ANO6: variants seen among roughly 807,000 people sequenced by gnomAD.
ANO6 encodes the protein anoctamin 6.
Under a neutral mutation model 117.5 loss-of-function variants are expected in ANO6, and 106 were observed. The observed-to-expected ratio is 0.90, with a 90% CI of 0.77 to 1.06. The LOEUF is 1.06. Among genes scored for constraint, ANO6 ranks in the 50% least tolerant of loss-of-function variants. ANO6 has a pLI of 0.00. For synonymous variants in ANO6, 367 were observed against 385.1 expected (o/e 0.95, Z 0.55); for missense variants, 955 against 1,121.1 (o/e 0.85, Z 2.12).
At chr12:45,414,823 G>A (rs989095851) in intron 16 of ANO6, among the ~76,000 whole-genome samples, 1 of 152,172 alleles carries the variant, frequency 6.6e-6, no homozygotes, top group Non-Finnish European at 1.5e-5. Context: ...GAGTGCAGTG[G>A]CACAATCCCG....
intron 3 of ANO6, among the ~76,000 whole-genome samples, chr12:45,336,662 A>T (rs182416409): frequency 6.6e-6 from 1 of 152,102 alleles, no homozygotes; most frequent in East Asian, 1.9e-4. Flanking sequence ...ACAATCATGT[A>T]TAGTACCGAA....
At chr12:45,232,335 C>G (rs1397735264) in intron 1 of ANO6, among the ~76,000 whole-genome samples, 1 of 152,154 alleles carries the variant, frequency 6.6e-6, no homozygotes, top group African/African-American at 2.4e-5. Flanking sequence ...GAAGTGGCCC[C>G]TGTTCTCAAA....
downstream of ANO6, among the ~76,000 whole-genome samples, chr12:45,435,896 T>C (rs891950367): frequency 1.3e-5 from 2 of 152,194 alleles, no homozygotes; most frequent in African/African-American, 4.8e-5. Context: ...AGAAACTGAA[T>C]ATACAAATGG....
intron 12 of ANO6, among the ~76,000 whole-genome samples, chr12:45,391,975 C>T (rs1942465287): frequency 6.6e-6 from 1 of 152,212 alleles, no homozygotes; most frequent in Non-Finnish European, 1.5e-5. Flanking sequence ...AACTGAGGTA[C>T]CTGGTTCATC....
intron 12 of ANO6, among the ~76,000 whole-genome samples, chr12:45,395,894 G>A (rs1942597884): frequency 6.6e-6 from 1 of 152,158 alleles, no homozygotes; most frequent in South Asian, 2.1e-4. Flanking sequence ...CATACTGAAT[G>A]CGCAAAAACT....
intron 3 of ANO6, among the ~76,000 whole-genome samples, chr12:45,335,347 G>A (rs1350023272): frequency 6.6e-6 from 1 of 151,962 alleles, no homozygotes; most frequent in African/African-American, 2.4e-5. Flanking sequence ...GTTATCCATT[G>A]TTTTGGATTA....
intron 1 of ANO6, among the ~76,000 whole-genome samples, chr12:45,261,186 G>A (rs1252969741): frequency 1.3e-5 from 2 of 152,184 alleles, no homozygotes; most frequent in African/African-American, 2.4e-5. Context: ...AGGACACAGA[G>A]AATATTTTCC....
chr12:45,419,527 T>C (rs935091761), intron 17 of ANO6, among the ~76,000 whole-genome samples: 9 of 152,192 alleles, frequency 5.9e-5, no homozygotes, highest in African/African-American at 2.2e-4. Flanking sequence ...CAAAGCTGGT[T>C]CTAGTGAGGG....
At chr12:45,318,751 C>A (rs1940142775) in intron 2 of ANO6, among the ~76,000 whole-genome samples, 1 of 152,114 alleles carries the variant, frequency 6.6e-6, no homozygotes, top group Non-Finnish European at 1.5e-5. Flanking sequence ...TCTTCCTACC[C>A]ATGAGCATGG....
At chr12:45,323,163 G>A (rs572630849) in intron 2 of ANO6, among the ~76,000 whole-genome samples, 8 of 152,164 alleles carry the variant, frequency 5.3e-5, no homozygotes, top group Middle Eastern at 6.8e-3. Flanking sequence ...CAATTTAATC[G>A]CTCTTAACAT....
chr12:45,271,171 G>C (rs532222744), intron 1 of ANO6, among the ~76,000 whole-genome samples: 6 of 152,276 alleles, frequency 3.9e-5, no homozygotes, highest in African/African-American at 1.4e-4. Flanking sequence ...ATGAAAACAA[G>C]ATTTCAGTGA....
At chr12:45,347,355 C>CTT (rs1388705341) in intron 4 of ANO6, 1 of 428,886 alleles carries the variant, frequency 2.3e-6, no homozygotes, top group Non-Finnish European at 4.1e-6. Flanking sequence ...CTTCTAAAAG[C>CTT]TTTTTTGTTA....
intron 3 of ANO6, among the ~76,000 whole-genome samples, chr12:45,345,489 A>G (rs1466648673): frequency 6.6e-6 from 1 of 152,138 alleles, no homozygotes; most frequent in Non-Finnish European, 1.5e-5. Flanking sequence ...ACCTGGACCT[A>G]GCAGTTCCTC....
intron 8 of ANO6, among the ~76,000 whole-genome samples, chr12:45,365,967 A>T (rs1316397647): frequency 6.6e-6 from 1 of 152,150 alleles, no homozygotes; most frequent in African/African-American, 2.4e-5. Flanking sequence ...ATCTTTACTC[A>T]GCTATTCTAG....
At chr12:45,321,660 G>T (rs903405922) in intron 2 of ANO6, among the ~76,000 whole-genome samples, 1 of 152,026 alleles carries the variant, frequency 6.6e-6, no homozygotes, top group Non-Finnish European at 1.5e-5. Context: ...GTTCATTTTC[G>T]AGAAAGTATC....
rs532532365 is a variant in ANO6 at position 45,255,493 on chromosome 12, CA to C, written c.70+39109del. On this transcript the variant is annotated intron_variant, in intron 1 of 19. Transcript: ENST00000320560. ...CAGCCTAGCGACAGGGACTCCATCTCAAAAAAATAAAAAACAGGAATGTTGC... is the reference window on the plus strand; with the variant it reads ...CAGCCTAGCGACAGGGACTCCATCTCAAAAAATAAAAAACAGGAATGTTGC... Among the ~76,000 whole-genome samples the C allele has an allele frequency of 8.0e-4, 121 of 151,876 alleles. 1 individual carries two copies. The highest frequency in any genetic ancestry group is 2.8e-3 in the African/African-American group (118 of 41,446).
intron 1 of ANO6, among the ~76,000 whole-genome samples, chr12:45,238,199 G>T (rs1005944452): frequency 6.9e-6 from 1 of 144,996 alleles, no homozygotes; most frequent in Non-Finnish European, 1.5e-5. Flanking sequence ...CGCCCAGGCT[G>T]GAGTGCAGTG....
chr12:45,332,731 A>C (rs1406688012), intron 3 of ANO6, among the ~76,000 whole-genome samples: 2 of 152,078 alleles, frequency 1.3e-5, no homozygotes, highest in African/African-American at 4.8e-5. Flanking sequence ...AAGAAACCCA[A>C]GCCTGACAGA....
At chr12:45,246,263 G>A (rs1415246636) in intron 1 of ANO6, among the ~76,000 whole-genome samples, 1 of 152,116 alleles carries the variant, frequency 6.6e-6, no homozygotes, top group African/African-American at 2.4e-5. Context: ...TCATTCATAA[G>A]CCACAGTTTG....
Sources: gnomAD v4.1 joint callset for allele counts (sites outside exome capture counted in the v4.1 genomes callset) on GRCh38, gnomAD v4.1.1 for gene constraint, MANE v1.5 for transcripts, NCBI Gene and HGNC (gene_info 2026-07-23, HGNC 2026-07-21) for gene names.